Variants in CCNA1 observed in about 807,000 individuals in gnomAD.
CCNA1 encodes cyclin-A1.
A neutral mutation model predicts 54.1 loss-of-function variants in CCNA1; 23 were observed. The observed-to-expected ratio is 0.42, with a 90% confidence interval of 0.31 to 0.60. The LOEUF (loss-of-function observed/expected upper bound fraction) is 0.60. CCNA1 is among the 20% of genes least tolerant of loss of function. The pLI, the probability that CCNA1 is intolerant of heterozygous loss-of-function variation, is 0.14. For missense variants in CCNA1, 450 were observed against 556.7 expected (o/e 0.81, Z 1.93); for synonymous variants, 208 against 213.9 (o/e 0.97, Z 0.24).
In CCNA1 at chr13:36,439,972, T is replaced by C. The variant is rs1203808172; in HGVS notation, c.894-7T>C. ...AGTTTTACTTCTGAAAACTCTTCCTTTCCCAGGAAATATGAAGAGATATAT... is the reference window on the plus strand; with the variant it reads ...AGTTTTACTTCTGAAAACTCTTCCTCTCCCAGGAAATATGAAGAGATATAT... On this transcript the variant is annotated splice_region_variant and splice_polypyrimidine_tract_variant and intron_variant, in intron 5 of 8. Coordinates refer to ENST00000255465, the MANE Select transcript of CCNA1 (RefSeq NM_003914.4). 1.3e-6 allele frequency: 2 copies of C among 1,599,514 alleles called. No homozygotes were observed. Among genetic ancestry groups the C allele is most frequent in the Admixed American group, 1.7e-5 (1 of 59,886 alleles).
chr13:36,435,167 A>C (rs2055787235), intron 2 of CCNA1, among the ~76,000 whole-genome samples: 1 of 152,232 alleles, frequency 6.6e-6, no homozygotes, highest in African/African-American at 2.4e-5. Flanking sequence ...TGTCGATTAA[A>C]GTAATTTAAG....
At chr13:36,434,809 C>T (rs565263953) in intron 2 of CCNA1, among the ~76,000 whole-genome samples, 15 of 144,364 alleles carry the variant, frequency 1.0e-4, no homozygotes, top group Non-Finnish European at 2.1e-4. Context: ...TGCTATGTCC[C>T]TGCTGTCATG....
Position 36,442,258 on chromosome 13 carries a change from C to T in CCNA1, c.1300C>T (p.Pro434Ser). The T allele has an allele frequency of 2.5e-6, 4 of 1,613,822 alleles. No individual in the cohort carries two copies. Among genetic ancestry groups the T allele is most frequent in the Non-Finnish European group, 2.5e-6 (3 of 1,179,858 alleles). ...GCTTCATAAAGCGTACCTTGATATACCCCATCGACCTCAGCAAGCAATTAG... is the reference window on the plus strand; with the variant it reads ...GCTTCATAAAGCGTACCTTGATATATCCCATCGACCTCAGCAAGCAATTAG... Residue 434 changes from proline to serine, a missense_variant, in exon 8 of 9, where the codon CCC becomes TCC. By Grantham distance (74) the Pro-to-Ser change is moderately conservative (BLOSUM62 -1). Transcript: ENST00000255465.
In CCNA1 at chr13:36,438,728, G is replaced by T. The variant is rs1249425100; in HGVS notation, c.754G>T (p.Val252Leu). 6.2e-7 allele frequency: 1 copy of T among 1,614,012 alleles called. No individual in the cohort carries two copies. Among genetic ancestry groups the T allele is most frequent in the Non-Finnish European group, 8.5e-7 (1 of 1,180,008 alleles). The change falls in exon 5 of 9, where the codon GTG (valine) becomes TTG (leucine). Residue 252 changes from valine (V) to leucine (L), a missense_variant. Physicochemically the swap from Val to Leu is conservative, Grantham distance 32 (BLOSUM62 1). This residue lies in a region of CCNA1 where 150 missense variants were observed against 219.7 expected (regional missense o/e 0.68). Transcript: ENST00000255465. ...GCGCACGATTCTGGTGGACTGGCTG[G>T]TGGAGGTTGGGGAAGAATATAAACT...
Position 36,438,169 on chromosome 13 carries a change from A to G in CCNA1, c.647A>G (p.Tyr216Cys). 6.2e-7 allele frequency: 1 copy of G among 1,613,644 alleles called. No homozygotes were observed. Among genetic ancestry groups the G allele is most frequent in the Non-Finnish European group, 8.5e-7 (1 of 1,179,818 alleles). ...GTGACTGAATATGCTGAAGAAATTT[A>G]TCAGTACCTTAGGGAAGCTGAAGTA... Residue 216 changes from tyrosine (Y) to cysteine (C), a missense_variant, in exon 4 of 9, where the codon TAT becomes TGT. Coordinates refer to ENST00000255465, the MANE Select transcript of CCNA1 (RefSeq NM_003914.4).
intron 2 of CCNA1, among the ~76,000 whole-genome samples, chr13:36,434,825 TGC>T (rs1491321657): frequency 3.2e-4 from 34 of 105,488 alleles, no homozygotes; most frequent in African/African-American, 1.2e-3. Context: ...TCATGAGAGG[TGC>T]CCCCCCCCCC....
chr13:36,442,139 G>A (rs761273798), intron 7 of CCNA1, 32 bp from the exon 8 acceptor site: 1 of 1,590,296 alleles, frequency 6.3e-7, no homozygotes, highest in Non-Finnish European at 8.6e-7. Flanking sequence ...ATAAAGTTAT[G>A]TGAAGCAATT....
intron 1 of CCNA1, 92 bp from the exon 2 acceptor site, chr13:36,432,941 G>A: frequency 8.1e-7 from 1 of 1,229,812 alleles, no homozygotes; most frequent in Non-Finnish European, 1.2e-6. Context: ...CCCATTGCTT[G>A]GTGCTCTCCC....
chr13:36,438,211 A>C lies in CCNA1; in HGVS notation c.669+20A>C, dbSNP rs377540850. The C allele has an allele frequency of 3.6e-5, 58 of 1,604,058 alleles. No individual in the cohort carries two copies. Among genetic ancestry groups the C allele is most frequent in the Non-Finnish European group, 4.5e-5 (53 of 1,175,906 alleles). On this transcript the variant is annotated intron_variant, in intron 4 of 8. Coordinates refer to ENST00000255465, the MANE Select transcript of CCNA1 (RefSeq NM_003914.4). ...GCTGAAGTAAGTTTTCCCACCTTCTACTTCAATCTTCAGGACCCGAGCTCT... is the reference window on the plus strand; with the variant it reads ...GCTGAAGTAAGTTTTCCCACCTTCTCCTTCAATCTTCAGGACCCGAGCTCT...
intron 5 of CCNA1, 40 bp from the exon 6 acceptor site, chr13:36,439,939 A>T: frequency 7.1e-7 from 1 of 1,411,274 alleles, no homozygotes; most frequent in Non-Finnish European, 1.0e-6. Flanking sequence ...GTAGAGCCAA[A>T]GGTTCTAAGT....
At chr13:36,433,398 C>CT (rs1488005785) in intron 2 of CCNA1, among the ~76,000 whole-genome samples, 177 bp downstream of exon 2, 1 of 99,118 alleles carries the variant, frequency 1.0e-5, no homozygotes, top group African/African-American at 4.3e-5. Flanking sequence ...TTCTTTCTTT[C>CT]TTTCTTTCTT....
chr13:36,437,261 T>C (rs927426094), intron 2 of CCNA1, among the ~76,000 whole-genome samples: 1 of 152,240 alleles, frequency 6.6e-6, no homozygotes, highest in Admixed American at 6.5e-5. Context: ...TGACTACTTA[T>C]AAAATCTCAT....
At chr13:36,438,323 A>G (rs2055832965) in intron 4 of CCNA1, 132 bp downstream of exon 4, 3 of 815,014 alleles carry the variant, frequency 3.7e-6, no homozygotes, top group African/African-American at 1.7e-5. Context: ...ATATCTATGA[A>G]AAATAATAGT....
intron 6 of CCNA1, among the ~76,000 whole-genome samples, chr13:36,440,780 T>C (rs1162363882): frequency 1.3e-5 from 2 of 152,236 alleles, no homozygotes; most frequent in Non-Finnish European, 2.9e-5. Context: ...TTAATATTTT[T>C]GTCTTTTGGC....
chr13:36,441,263 C>T (rs2055871402), intron 7 of CCNA1, 32 bp downstream of exon 7: 14 of 1,330,938 alleles, frequency 1.1e-5, no homozygotes, highest in Non-Finnish European at 1.4e-5. Context: ...AGATGAAATT[C>T]AAGGTCTATC....
At position 36,440,091 on chromosome 13, in the gene CCNA1, G is replaced by A; in HGVS notation, c.1006G>A (p.Ala336Thr). ...GGAACACTTGCTTCTGAAAGTTCTA[G>A]CTTTTGATCTGACAGTACCAACCAC... is the stretch of plus-strand genomic sequence containing the variant. Residue 336 changes from alanine (A) to threonine (T), a missense_variant, in exon 6 of 9, where the codon GCT becomes ACT. Around this residue, in one of 6 missense-constraint regions of CCNA1, gnomAD observed 150 missense variants for 219.7 expected, o/e 0.68. Transcript: ENST00000255465. 1.2e-6 allele frequency: 2 copies of A among 1,614,038 alleles called. No homozygotes were observed. Among genetic ancestry groups the A allele is most frequent in the South Asian group, 2.2e-5 (2 of 91,078 alleles).
At position 36,432,749 on chromosome 13, in the gene CCNA1, C is replaced by A. The variant is rs747715866; in HGVS notation, c.108+20C>A. ...TTCCAGGTAACGTGGGTTTAGTATC[C>A]CGACTTGGAGGCTTGTCAGAATGTT... On this transcript the variant is annotated intron_variant, in intron 1 of 8. Transcript: ENST00000255465. 6.8e-7 allele frequency: 1 copy of A among 1,473,428 alleles called. No individual in the cohort carries two copies. The highest frequency in any genetic ancestry group is 9.5e-7 in the Non-Finnish European group (1 of 1,055,302). The allele number at this position is 1,473,428 out of a possible 1,614,324, so 91.3% of individuals were successfully genotyped here.
At chr13:36,432,300 A>G (rs991260615), upstream of CCNA1, 3 of 306,476 alleles carry the variant, frequency 9.8e-6, no homozygotes, top group Non-Finnish European at 1.2e-5. Flanking sequence ...GCTCAGCCGC[A>G]TCGCTAAGCC....
chr13:36,433,517 C>CT lies in CCNA1; in HGVS notation c.297+305dup, dbSNP rs1176734799. 7.6e-5 allele frequency among the ~76,000 whole-genome samples: 10 copies of CT among 130,918 alleles called. No homozygotes were observed. In the South Asian group the frequency reaches 7.7e-4, roughly 10 times the overall value. 85.9% of individuals were successfully genotyped at this position (130,918 alleles called of 152,430 possible). On this transcript the variant is annotated intron_variant, in intron 2 of 8. Transcript: ENST00000255465. ...TTTGTTTCTCTTCCTTCTTCCTTTC[C>CT]TTTTTTTTTCTTTCCTTTCCTTTCC...
Sources: allele counts gnomAD v4.1 joint callset (sites outside exome capture counted in the v4.1 genomes callset), GRCh38; gene constraint gnomAD v4.1.1; regional missense constraint gnomAD v4.1.1; transcripts MANE v1.5; gene names NCBI Gene and HGNC (gene_info 2026-07-23, HGNC 2026-07-21).